Variants in RBFOX1 observed in about 807,000 individuals in gnomAD.
The protein encoded by RBFOX1 is RNA binding fox-1 homolog 1, also known as RNA binding protein fox-1 homolog 1.
In RBFOX1, 8 loss-of-function variants were observed where a neutral mutation model predicts 57.7. The ratio of observed to expected loss-of-function variants is 0.14; its 90% CI spans 0.08 to 0.25. The LOEUF is 0.25. RBFOX1 is among the 10% of genes least tolerant of loss of function. The pLI is 1.00. For missense variants in RBFOX1, 611 were observed against 548.5 expected (o/e 1.11, Z -1.14); for synonymous variants, 326 against 222.4 (o/e 1.47, Z -4.15).
intron 4 of RBFOX1, among the ~76,000 whole-genome samples, chr16:7,212,455 C>T (rs1401690828): frequency 6.6e-6 from 1 of 152,118 alleles, no homozygotes; most frequent in Non-Finnish European, 1.5e-5. Context: ...TGTATCCATG[C>T]AGATGCTGCT....
intron 1 of RBFOX1, among the ~76,000 whole-genome samples, chr16:5,350,795 G>A (rs926239366): frequency 2.0e-5 from 3 of 152,212 alleles, no homozygotes; most frequent in Admixed American, 2.0e-4. Flanking sequence ...GAACCCGGAG[G>A]CGGAGGTTGC....
chr16:7,684,429 G>T (rs1379377903), intron 14 of RBFOX1, among the ~76,000 whole-genome samples: 1 of 151,984 alleles, frequency 6.6e-6, no homozygotes, highest in African/African-American at 2.4e-5. Context: ...GCTAATTATT[G>T]ATACATTATG....
chr16:5,347,683 T>G (rs1024335991), intron 1 of RBFOX1, among the ~76,000 whole-genome samples: 5 of 131,986 alleles, frequency 3.8e-5, no homozygotes, highest in Non-Finnish European at 6.4e-5. Flanking sequence ...CACTCAATCA[T>G]GCACTCTCCT....
intron 3 of RBFOX1, among the ~76,000 whole-genome samples, chr16:5,816,129 A>T (rs113660288): frequency 0.031 from 4,691 of 152,168 alleles, 200 homozygotes; most frequent in African/African-American, 0.099. Flanking sequence ...CCAATTTGCA[A>T]ACAGGGAGTC....
At chr16:6,911,462 G>A (rs556015054) in intron 3 of RBFOX1, among the ~76,000 whole-genome samples, 2 of 152,254 alleles carry the variant, frequency 1.3e-5, no homozygotes, top group African/African-American at 4.8e-5. Context: ...AACTCTGTCA[G>A]TGTGATCTCT....
rs567901311 is a variant in RBFOX1 at position 6,720,002 on chromosome 16, G to A, written c.-16+65352G>A. On this transcript the variant is annotated intron_variant, in intron 3 of 15. Coordinates refer to ENST00000550418, the MANE Select transcript of RBFOX1 (RefSeq NM_018723.4). ...CCAGCTACCTGGGAGGCTGAGGCAG[G>A]AGAATCGCTTGAACCTGGGAGGCAG... is the stretch of plus-strand genomic sequence containing the variant. 5.9e-5 allele frequency among the ~76,000 whole-genome samples: 9 copies of A among 152,068 alleles called. No homozygotes were observed. The East Asian group carries it at 1.8e-3, about 30-fold the overall frequency.
intron 1 of RBFOX1, among the ~76,000 whole-genome samples, chr16:5,454,217 GC>G (rs1472390636): frequency 6.6e-6 from 1 of 152,146 alleles, no homozygotes; most frequent in African/African-American, 2.4e-5. Flanking sequence ...GAGATCTCTG[GC>G]CGAAGTCCTT....
chr16:7,038,451 T>A (rs766758159), intron 3 of RBFOX1, among the ~76,000 whole-genome samples: 4 of 152,188 alleles, frequency 2.6e-5, no homozygotes, highest in Admixed American at 1.3e-4. Flanking sequence ...AATACCTTAT[T>A]AAATCTGGAG....
At chr16:6,456,581 A>G (rs2094779250) in intron 2 of RBFOX1, among the ~76,000 whole-genome samples, 6 of 152,204 alleles carry the variant, frequency 3.9e-5, no homozygotes, top group Admixed American at 3.3e-4. Flanking sequence ...ATTGAAGTGG[A>G]TCAAATTTTC....
intron 3 of RBFOX1, among the ~76,000 whole-genome samples, chr16:6,765,751 A>G (rs1333291211): frequency 3.3e-5 from 5 of 152,200 alleles, no homozygotes; most frequent in African/African-American, 1.2e-4. Context: ...CCAGCAACCA[A>G]TAAGTAGATA....
chr16:6,845,835 C>T (rs772496063), intron 3 of RBFOX1, among the ~76,000 whole-genome samples: 2 of 152,228 alleles, frequency 1.3e-5, no homozygotes, highest in Non-Finnish European at 2.9e-5. Context: ...CCTTACCCCT[C>T]TTGGGATAAT....
intron 13 of RBFOX1, among the ~76,000 whole-genome samples, chr16:7,672,883 A>AAAAAAAAAAAAAAAC (rs2071993584): frequency 6.7e-6 from 1 of 150,040 alleles, no homozygotes; most frequent in Non-Finnish European, 1.5e-5. Context: ...AAAAAAAAAA[A>AAAAAAAAAAAAAAAC]AAAAAGAACA....
At chr16:6,419,826 G>C (rs931708096) in intron 2 of RBFOX1, among the ~76,000 whole-genome samples, 1 of 152,148 alleles carries the variant, frequency 6.6e-6, no homozygotes, top group Non-Finnish European at 1.5e-5. Flanking sequence ...GCTGTGCGGG[G>C]TATAGGCATG....
chr16:5,512,462 G>A (rs952715316), intron 2 of RBFOX1, among the ~76,000 whole-genome samples: 5 of 149,118 alleles, frequency 3.4e-5, no homozygotes, highest in African/African-American at 1.3e-4. Flanking sequence ...TCATTATGTG[G>A]ATAAGTGTGT....
intron 3 of RBFOX1, among the ~76,000 whole-genome samples, chr16:6,714,590 G>A (rs918899394): frequency 2.6e-5 from 4 of 152,092 alleles, no homozygotes; most frequent in Non-Finnish European, 4.4e-5. Flanking sequence ...TGCACAGGTA[G>A]GAAATGTGAT....
chr16:7,173,356 C>T (rs1015061540), intron 4 of RBFOX1, among the ~76,000 whole-genome samples: 1 of 152,154 alleles, frequency 6.6e-6, no homozygotes, highest in African/African-American at 2.4e-5. Flanking sequence ...GATGTCCTTC[C>T]AAACTCCATT....
intron 2 of RBFOX1, among the ~76,000 whole-genome samples, chr16:5,591,965 T>C (rs892156009): frequency 3.9e-5 from 6 of 152,228 alleles, no homozygotes; most frequent in Non-Finnish European, 7.3e-5. Flanking sequence ...TAAAGAATAC[T>C]TGTTGCCCTA....
intron 3 of RBFOX1, among the ~76,000 whole-genome samples, chr16:6,722,473 C>T (rs549395496): frequency 2.6e-5 from 4 of 151,986 alleles, no homozygotes; most frequent in South Asian, 2.1e-4. Flanking sequence ...CTGATGAAAG[C>T]GGCATATTCC....
At chr16:6,859,710 A>G (rs1003673977) in intron 3 of RBFOX1, among the ~76,000 whole-genome samples, 1 of 152,226 alleles carries the variant, frequency 6.6e-6, no homozygotes, top group African/African-American at 2.4e-5. Flanking sequence ...CGGTATCAGC[A>G]AAATGAGAAA....
Sources: gnomAD v4.1 joint callset for allele counts (sites outside exome capture counted in the v4.1 genomes callset) on GRCh38, gnomAD v4.1.1 for gene constraint, MANE v1.5 for transcripts, NCBI Gene and HGNC (gene_info 2026-07-23, HGNC 2026-07-21) for gene names.